Variants in CFAP300 observed in about 807,000 individuals in gnomAD.
CFAP300 encodes cilia- and flagella-associated protein 300.
A neutral mutation model predicts 33.0 loss-of-function variants in CFAP300; 32 were observed. The observed-to-expected ratio is 0.97, with a 90% CI of 0.73 to 1.30. The LOEUF (loss-of-function observed/expected upper bound fraction) is 1.30, where lower values mean the gene tolerates loss of function less well. Ranked by LOEUF, CFAP300 falls within the 50% of genes most tolerant of loss-of-function variation. The pLI is 0.00. For synonymous variants in CFAP300, 102 were observed against 106.8 expected, an observed-to-expected ratio of 0.95 and a Z score of 0.28; for missense variants, 356 against 318.1, an observed-to-expected ratio of 1.12 and a Z score of -0.90.
chr11:102,066,678 A>C (rs373332443), intron 4 of CFAP300, 27 bp downstream of exon 4: 23 of 1,562,476 alleles, frequency 1.5e-5, no homozygotes, highest in Admixed American at 2.2e-5. Context: ...AAAATTTCGC[A>C]GTGGAATTTT....
chr11:102,064,595 G>GT (rs1195502690), intron 3 of CFAP300, among the ~76,000 whole-genome samples: 5 of 152,210 alleles, frequency 3.3e-5, no homozygotes, highest in Non-Finnish European at 4.4e-5. Context: ...AAAAGAGCTA[G>GT]TGTAAACATT....
At chr11:102,076,215 G>A (rs1199289869) in intron 5 of CFAP300, 170 bp downstream of exon 5, 2 of 576,634 alleles carry the variant, frequency 3.5e-6, no homozygotes, top group East Asian at 6.9e-5. Context: ...TTCCAGAATA[G>A]AAAGATTTCT....
At chr11:102,081,985 G>A (rs988755913) in intron 6 of CFAP300, among the ~76,000 whole-genome samples, 7 of 151,464 alleles carry the variant, frequency 4.6e-5, no homozygotes, top group African/African-American at 7.3e-5. Context: ...TATTACATTC[G>A]AAGCAGTTTC....
intron 2 of CFAP300, among the ~76,000 whole-genome samples, chr11:102,058,458 C>T (rs1030993552): frequency 2.7e-5 from 4 of 150,634 alleles, no homozygotes; most frequent in African/African-American, 7.3e-5. Context: ...ATACAGAAAA[C>T]GTTTCATTTT....
chr11:102,060,406 C>T lies in CFAP300; in HGVS notation c.268+1451C>T, dbSNP rs142426463. ...TGCTGGGATTATGGGTGTGAGCCACCGCGCCCAGCTAGATTATATTTTCAT... is the reference window on the plus strand; with the variant it reads ...TGCTGGGATTATGGGTGTGAGCCACTGCGCCCAGCTAGATTATATTTTCAT... On this transcript the variant is annotated intron_variant, in intron 3 of 6. Coordinates refer to ENST00000434758, the MANE Select transcript of CFAP300 (RefSeq NM_032930.3). 6.1e-3 allele frequency among the ~76,000 whole-genome samples: 926 copies of T among 151,852 alleles called. 8 individuals carry two copies. The highest frequency in any genetic ancestry group is 0.014 in the Middle Eastern group (4 of 294).
At chr11:102,053,415 G>C (rs1942002111) in intron 2 of CFAP300, among the ~76,000 whole-genome samples, 1 of 152,034 alleles carries the variant, frequency 6.6e-6, no homozygotes, top group African/African-American at 2.4e-5. Flanking sequence ...GCTGGGCATG[G>C]TGGCGGGTGC....
At chr11:102,080,032 AGGACTTTGG>A (rs1942451442) in intron 5 of CFAP300, among the ~76,000 whole-genome samples, 1 of 152,190 alleles carries the variant, frequency 6.6e-6, no homozygotes, top group South Asian at 2.1e-4. Flanking sequence ...CTGTAATCCC[AGGACTTTGG>A]GAGGCCAAAG....
chr11:102,059,812 C>CT (rs538180709), intron 3 of CFAP300, among the ~76,000 whole-genome samples: 63,399 of 138,872 alleles, frequency 0.46, 15,330 homozygotes, highest in Middle Eastern at 0.62. Flanking sequence ...AACCACAGGA[C>CT]TTTTTTTTTT....
At position 102,066,671 on chromosome 11, in the gene CFAP300, A is replaced by T. The variant is rs1591321587; in HGVS notation, c.435+20A>T. 4.5e-6 allele frequency: 7 copies of T among 1,569,060 alleles called. No individual in the cohort carries two copies. The East Asian group carries it at 1.6e-4, about 36-fold the overall frequency. ...CGAAGAGTAAGTACAGAATTTTAAAATTTCGCAGTGGAATTTTATTTCAGG... is the reference window on the plus strand; with the variant it reads ...CGAAGAGTAAGTACAGAATTTTAAATTTTCGCAGTGGAATTTTATTTCAGG... On this transcript the variant is annotated intron_variant, in intron 4 of 6. Coordinates refer to ENST00000434758, the MANE Select transcript of CFAP300 (RefSeq NM_032930.3).
intron 4 of CFAP300, among the ~76,000 whole-genome samples, chr11:102,068,940 C>T (rs1414190215): frequency 6.6e-6 from 1 of 152,182 alleles, no homozygotes; most frequent in East Asian, 1.9e-4. Flanking sequence ...CAGCTCTTCT[C>T]TCTCACACTT....
At chr11:102,053,711 C>T (rs182188385) in intron 2 of CFAP300, among the ~76,000 whole-genome samples, 20 of 152,250 alleles carry the variant, frequency 1.3e-4, no homozygotes, top group African/African-American at 3.4e-4. Flanking sequence ...AGACTCTGTC[C>T]GTATTATAAA....
intron 3 of CFAP300, among the ~76,000 whole-genome samples, chr11:102,064,174 C>A (rs1042791713): frequency 1.3e-5 from 2 of 152,174 alleles, no homozygotes; most frequent in African/African-American, 2.4e-5. Flanking sequence ...ATTTTCATAT[C>A]TCTTATTAAG....
At chr11:102,068,276 T>C (rs1252542126) in intron 4 of CFAP300, among the ~76,000 whole-genome samples, 1 of 152,194 alleles carries the variant, frequency 6.6e-6, no homozygotes, top group Non-Finnish European at 1.5e-5. Context: ...CTAGGGAAGC[T>C]ACTGATCCAT....
chr11:102,066,456 T>C (rs1190687734), intron 3 of CFAP300, 29 bp from the exon 4 acceptor site: 2 of 1,513,558 alleles, frequency 1.3e-6, no homozygotes, highest in Admixed American at 4.0e-5. Flanking sequence ...TTTTTCTATC[T>C]CCATTCTTTA....
chr11:102,060,073 A>T (rs1160914553), intron 3 of CFAP300, among the ~76,000 whole-genome samples: 1 of 151,486 alleles, frequency 6.6e-6, no homozygotes, highest in Non-Finnish European at 1.5e-5. Context: ...CCAGGTTCAA[A>T]CGATTCTCCT....
chr11:102,056,917 A>G (rs1942068167), intron 2 of CFAP300, among the ~76,000 whole-genome samples: 1 of 151,362 alleles, frequency 6.6e-6, no homozygotes, highest in African/African-American at 2.4e-5. Context: ...GAGCCACCGC[A>G]CCTGGCCCTA....
At position 102,066,543 on chromosome 11, in the gene CFAP300, A is replaced by G. The variant is rs1942228354; in HGVS notation, c.327A>G (p.Ser109=). ...TTCCTTGCACACAGCTTTCAATGTC[A>G]TTTTTTCATCGGTTATATGATGAAG... ...INVPCTQLSM[S]FFHRLYDEDI... Residue 109 remains serine (S), a synonymous_variant, in exon 4 of 7, where the codon TCA becomes TCG. Coordinates refer to ENST00000434758, the MANE Select transcript of CFAP300 (RefSeq NM_032930.3). The G allele has an allele frequency of 1.2e-6, 2 of 1,611,898 alleles. No individual in the cohort carries two copies. Among genetic ancestry groups the G allele is most frequent in the Non-Finnish European group, 8.5e-7 (1 of 1,179,378 alleles).
chr11:102,050,053 G>A (rs1325607818), intron 2 of CFAP300, among the ~76,000 whole-genome samples: 1 of 152,034 alleles, frequency 6.6e-6, no homozygotes, highest in Non-Finnish European at 1.5e-5. Context: ...TACTTGCGGG[G>A]CTGAGGTGGG....
At chr11:102,059,047 A>G in intron 3 of CFAP300, 92 bp downstream of exon 3, 1 of 715,630 alleles carries the variant, frequency 1.4e-6, no homozygotes, top group Non-Finnish European at 2.2e-6. Flanking sequence ...TAAATTGGGA[A>G]TGACTCATCT....
Sources: gnomAD v4.1 joint callset for allele counts (sites outside exome capture counted in the v4.1 genomes callset) on GRCh38, gnomAD v4.1.1 for gene constraint, MANE v1.5 for transcripts, NCBI Gene and HGNC (gene_info 2026-07-23, HGNC 2026-07-21) for gene names.